The following PCNT variants were observed in gnomAD, a reference collection of about 807,000 sequenced individuals.
PCNT encodes the protein kendrin.
In PCNT, 319 loss-of-function variants were observed where a neutral mutation model predicts 380.4. The ratio of observed to expected loss-of-function variants is 0.84; its 90% CI spans 0.77 to 0.92. PCNT has a LOEUF of 0.92. Ranked by LOEUF, PCNT falls within the 40% of genes least tolerant of loss-of-function variation. The pLI is 0.00. For missense variants in PCNT, 4,400 were observed against 4,255.3 expected (o/e 1.03, Z -0.95); for synonymous variants, 1,845 against 1,735.2 (o/e 1.06, Z -1.57).
intron 15 of PCNT, among the ~76,000 whole-genome samples, chr21:46,374,977 A>T (rs2085289228): frequency 6.6e-6 from 1 of 152,178 alleles, no homozygotes; most frequent in Non-Finnish European, 1.5e-5. Context: ...TCTGAGCCTC[A>T]AATATCTTTG....
chr21:46,404,381 G>T (rs1313471941), intron 27 of PCNT, among the ~76,000 whole-genome samples: 1 of 152,214 alleles, frequency 6.6e-6, no homozygotes, highest in African/African-American at 2.4e-5. Context: ...TTTTGATATG[G>T]TTGTTGTTAT....
chr21:46,445,766 A>C lies in PCNT; in HGVS notation c.*439A>C, dbSNP rs1333301808. On this transcript the variant is annotated 3_prime_UTR_variant, in exon 47 of 47. Coordinates refer to ENST00000359568, the MANE Select transcript of PCNT (RefSeq NM_006031.6). ...AAATTTAATCACTGTTTTGTTTGTG[A>C]ATAGCCCTTGTGTTGTTTTTTTTTT... The C allele has an allele frequency of 6.0e-6, 1 of 167,806 alleles. No homozygotes were observed. Among genetic ancestry groups the C allele is most frequent in the Non-Finnish European group, 1.3e-5 (1 of 76,934 alleles). 10.4% of individuals were successfully genotyped at this position (167,806 alleles called of 1,614,324 possible).
chr21:46,403,324 T>TCGTGTA (rs2086496951), intron 27 of PCNT, among the ~76,000 whole-genome samples: 1 of 109,730 alleles, frequency 9.1e-6, no homozygotes, highest in African/African-American at 3.5e-5. Context: ...CGTGGGAGAA[T>TCGTGTA]TGTGTGTGTG....
intron 3 of PCNT, among the ~76,000 whole-genome samples, chr21:46,345,559 T>G (rs1192806741): frequency 6.6e-6 from 1 of 152,196 alleles, no homozygotes; most frequent in African/African-American, 2.4e-5. Flanking sequence ...TAAGCGAGTT[T>G]AATATTTTTC....
At chr21:46,445,243 C>G (rs1206795046) in intron 46 of PCNT, 41 bp from the exon 47 acceptor site, 5 of 1,396,556 alleles carry the variant, frequency 3.6e-6, no homozygotes, top group East Asian at 2.3e-5. Context: ...ATCTGTGAAG[C>G]CTTGTAACCA....
chr21:46,398,280 C>G, intron 24 of PCNT, 25 bp downstream of exon 24: 1 of 1,592,988 alleles, frequency 6.3e-7, no homozygotes, highest in Non-Finnish European at 8.5e-7. Flanking sequence ...ACGAGATGGG[C>G]ACTCCCTGCG....
In PCNT at chr21:46,396,803, A is replaced by G. The variant is rs1014443009; in HGVS notation, c.4217-462A>G. Among the ~76,000 whole-genome samples, 7 of 152,186 alleles carry G rather than the reference A, an allele frequency of 4.6e-5. No individual in the cohort carries two copies. In the East Asian group the frequency reaches 1.4e-3, roughly 30 times the overall value. On this transcript the variant is annotated intron_variant, in intron 21 of 46. Coordinates refer to ENST00000359568, the MANE Select transcript of PCNT (RefSeq NM_006031.6). The stretch of plus-strand genomic sequence containing the variant: ...TTTTTAGTAGAGACAGGGTTTTACC[A>G]TGATGGCCAGGCTGGTCTCAAACTC...
At chr21:46,400,392 G>T (rs2086379735) in intron 25 of PCNT, among the ~76,000 whole-genome samples, 1 of 152,146 alleles carries the variant, frequency 6.6e-6, no homozygotes, top group Admixed American at 6.5e-5. Flanking sequence ...GAATTCAGCT[G>T]ACTTCTATGA....
intron 21 of PCNT, among the ~76,000 whole-genome samples, chr21:46,392,346 A>G (rs1318235279): frequency 6.6e-6 from 1 of 151,786 alleles, no homozygotes; most frequent in East Asian, 1.9e-4. Flanking sequence ...CAGCCTCCCA[A>G]GTAGCTGGGA....
At chr21:46,429,080 G>A (rs1314398663) in intron 35 of PCNT, among the ~76,000 whole-genome samples, 1 of 152,222 alleles carries the variant, frequency 6.6e-6, no homozygotes, top group Non-Finnish European at 1.5e-5. Flanking sequence ...TCGCATGTGG[G>A]GTCAGGCGCC....
At position 46,402,463 on chromosome 21, in the gene PCNT, G is replaced by A. The variant is rs762295579; in HGVS notation, c.5095G>A (p.Glu1699Lys). 3 of 1,614,122 alleles carry A rather than the reference G, an allele frequency of 1.9e-6. No individual in the cohort carries two copies. The highest frequency in any genetic ancestry group is 1.6e-4 in the Middle Eastern group (1 of 6,062). Residue 1699 changes from glutamate (E) to lysine (K), a missense_variant, in exon 27 of 47, where the codon GAA (glutamate) becomes AAA (lysine). Physicochemically the swap from Glu to Lys is moderately conservative, Grantham distance 56. Coordinates refer to ENST00000359568, the MANE Select transcript of PCNT (RefSeq NM_006031.6). ...TGCTGTCAGCCTCAGAGAACTTGAG[G>A]AAGAGAACACGAGCTTGAAGGTAAG... Reference protein sequence around the residue: ...QTAVSLRELEEENTSLKVIYT... With the variant: ...QTAVSLRELEKENTSLKVIYT...
intron 6 of PCNT, among the ~76,000 whole-genome samples, chr21:46,348,789 ATTTTTTTTTTTG>A (rs2084167495): frequency 7.0e-6 from 1 of 143,736 alleles, no homozygotes; most frequent in African/African-American, 2.6e-5. Flanking sequence ...TAATTTTTGT[ATTTTTTTTTTTG>A]TAGAGATGGG....
chr21:46,432,295 C>A, intron 38 of PCNT, 80 bp downstream of exon 38: 1 of 1,376,790 alleles, frequency 7.3e-7, no homozygotes, highest in Non-Finnish European at 1.0e-6. Context: ...GTGGGGGACG[C>A]GAGATTTATG....
chr21:46,353,986 G>A lies in PCNT; in HGVS notation c.1680-1G>A. ...GCTTTTATAAAATGTTTTCCCTTCA[G>A]GTTGTCCTGTGTGGGTTTAGAAGAG... On this transcript the variant is annotated splice_acceptor_variant, in intron 10 of 46. Coordinates refer to ENST00000359568, the MANE Select transcript of PCNT (RefSeq NM_006031.6). LOFTEE classifies it high-confidence loss of function. 6.2e-7 allele frequency: 1 copy of A among 1,613,296 alleles called. No individual in the cohort carries two copies. Among genetic ancestry groups the A allele is most frequent in the Non-Finnish European group, 8.5e-7 (1 of 1,179,236 alleles).
Position 46,388,988 on chromosome 21 carries a change from A to G in PCNT, c.3607+104A>G, listed in dbSNP as rs2085939025. ...CGTATTGGGCGATGCCCTTGGGAGC[A>G]CTGCCGTCCTGGTTTCCTGCTAGTT... On this transcript the variant is annotated intron_variant, in intron 18 of 46. Transcript: ENST00000359568. The surrounding 1 kb of genome is among the most constrained non-coding windows in gnomAD (Gnocchi z 4.2). The G allele has an allele frequency of 2.0e-6, 3 of 1,485,028 alleles. No homozygotes were observed. Among genetic ancestry groups the G allele is most frequent in the South Asian group, 1.2e-5 (1 of 82,700 alleles). 92.0% of individuals were successfully genotyped at this position (1,485,028 alleles called of 1,614,324 possible).
At chr21:46,431,349 TG>T (rs1424729693) in intron 37 of PCNT, 179 bp from the exon 38 acceptor site, 2 of 1,454,728 alleles carry the variant, frequency 1.4e-6, no homozygotes, top group African/African-American at 2.8e-5. Context: ...CTCCGCAGTC[TG>T]GGTTTTTTGT....
intron 19 of PCNT, among the ~76,000 whole-genome samples, chr21:46,390,264 G>A (rs1398272828): frequency 6.6e-6 from 1 of 152,242 alleles, no homozygotes. Context: ...CGTGAGTTGT[G>A]GTTGCACCAC....
Position 46,431,877 on chromosome 21 carries a change from C to T in PCNT, c.8413C>T (p.Gln2805Ter). The change falls in exon 38 of 47, where the codon CAA becomes TAA. Residue 2805 changes from glutamine (Q) to a stop codon, truncating the protein, a stop_gained. Transcript: ENST00000359568. LOFTEE classifies it high-confidence loss of function. ...KEEKSRVVDL[Q>*]AMLEKVQQQA... ...GGAGAAGTCCCGGGTGGTGGACTTG[C>T]AAGCGATGCTTGAAAAGGTGCAGCA... The T allele has an allele frequency of 6.2e-7, 1 of 1,614,090 alleles. No individual in the cohort carries two copies. Among genetic ancestry groups the T allele is most frequent in the Non-Finnish European group, 8.5e-7 (1 of 1,180,030 alleles).
intron 38 of PCNT, among the ~76,000 whole-genome samples, chr21:46,432,757 T>G (rs1053371964): frequency 2.6e-5 from 4 of 152,084 alleles, no homozygotes; most frequent in African/African-American, 9.7e-5. Context: ...CCCACGTAGC[T>G]GGGACTGCAG....
Sources: gnomAD v4.1 joint callset for allele counts (sites outside exome capture counted in the v4.1 genomes callset) on GRCh38, gnomAD v4.1.1 for gene constraint, Gnocchi (gnomAD v3.1) non-coding constraint, MANE v1.5 for transcripts, NCBI Gene and HGNC (gene_info 2026-07-23, HGNC 2026-07-21) for gene names.